MAGI1: variants seen among roughly 807,000 people sequenced by gnomAD.
The protein encoded by MAGI1 is membrane associated guanylate kinase, WW and PDZ domain containing 1, also known as membrane-associated guanylate kinase, WW and PDZ domain-containing protein 1.
MAGI1 carries 58 observed loss-of-function variants against 139.9 expected under a neutral mutation model. That is an observed-to-expected ratio of 0.41 (90% CI 0.34 to 0.52). The LOEUF is 0.52. Among genes scored for constraint, MAGI1 ranks in the 20% least tolerant of loss-of-function variants. The probability of loss-of-function intolerance (pLI) is 0.12; values close to 1 mark genes in which losing one functional copy is unlikely to be tolerated. For synonymous variants in MAGI1, 812 were observed against 737.9 expected (o/e 1.10, Z -1.63); for missense variants, 1,874 against 1,901.6 (o/e 0.99, Z 0.27).
In MAGI1 at chr3:65,752,908, C is replaced by G. The variant is rs2036267399; in HGVS notation, c.314-130820G>C. On this transcript the variant is annotated intron_variant, in intron 1 of 22. Transcript: ENST00000402939. The stretch of plus-strand genomic sequence containing the variant: ...AGTCATTTTCCACCCACTGACCTCC[C>G]CTCACACCCTCCCTTGCTCATTAGC... 4.6e-5 allele frequency among the ~76,000 whole-genome samples: 7 copies of G among 152,168 alleles called. No individual in the cohort carries two copies. In the South Asian group the frequency reaches 1.4e-3, roughly 31 times the overall value.
intron 1 of MAGI1, among the ~76,000 whole-genome samples, chr3:65,908,775 A>G (rs777496291): frequency 4.6e-5 from 7 of 152,156 alleles, no homozygotes; most frequent in Admixed American, 2.0e-4. Flanking sequence ...CCTTTCTAAC[A>G]GACTCCTGGG....
intron 1 of MAGI1, among the ~76,000 whole-genome samples, chr3:66,006,994 CTATT>C (rs61207352): frequency 0.17 from 25,430 of 151,142 alleles, 3,050 homozygotes; most frequent in African/African-American, 0.33. Flanking sequence ...CCATGCCCAG[CTATT>C]TATTTATTTA....
chr3:65,599,324 C>T (rs894225051), intron 2 of MAGI1, among the ~76,000 whole-genome samples: 3 of 152,118 alleles, frequency 2.0e-5, no homozygotes, highest in Non-Finnish European at 2.9e-5. Flanking sequence ...AATGCAGTAT[C>T]GGCTGGATTT....
chr3:65,864,578 A>G (rs1350925075), intron 1 of MAGI1, among the ~76,000 whole-genome samples: 16 of 152,248 alleles, frequency 1.1e-4, no homozygotes, highest in Admixed American at 9.2e-4. Context: ...GCACAGCTGC[A>G]TAGCAGAATC....
intron 1 of MAGI1, among the ~76,000 whole-genome samples, chr3:65,786,511 T>C (rs1182712157): frequency 6.6e-6 from 1 of 151,986 alleles, no homozygotes; most frequent in East Asian, 1.9e-4. Flanking sequence ...TTTCCCCATG[T>C]TGCCTGGTCT....
chr3:65,497,413 T>C (rs1952535487), intron 2 of MAGI1, among the ~76,000 whole-genome samples: 2 of 152,174 alleles, frequency 1.3e-5, no homozygotes, highest in Admixed American at 6.5e-5. Flanking sequence ...TTCAGCCAGC[T>C]ACCTCTAAAA....
intron 1 of MAGI1, among the ~76,000 whole-genome samples, chr3:65,841,087 C>T (rs2058787180): frequency 6.6e-6 from 1 of 152,150 alleles, no homozygotes; most frequent in Non-Finnish European, 1.5e-5. Flanking sequence ...GTATTATTCC[C>T]CTAGACGTTT....
At position 65,772,400 on chromosome 3, in the gene MAGI1, C is replaced by T. The variant is rs185361839; in HGVS notation, c.314-150312G>A. On this transcript the variant is annotated intron_variant, in intron 1 of 22. Coordinates refer to ENST00000402939, the MANE Select transcript of MAGI1 (RefSeq NM_001033057.2). ...CAGGGGGGACTTGAGTACAGCTGTCCATCATGAGACCCTGGCTTTTTCACC... is the reference window on the plus strand; with the variant it reads ...CAGGGGGGACTTGAGTACAGCTGTCTATCATGAGACCCTGGCTTTTTCACC... 6.4e-3 allele frequency among the ~76,000 whole-genome samples: 972 copies of T among 150,946 alleles called. 1 individual carries two copies. Among genetic ancestry groups the T allele is most frequent in the African/African-American group, 0.01 (416 of 40,332 alleles).
At chr3:65,604,143 A>G (rs1417684296) in intron 2 of MAGI1, among the ~76,000 whole-genome samples, 2 of 152,198 alleles carry the variant, frequency 1.3e-5, no homozygotes, top group Non-Finnish European at 2.9e-5. Flanking sequence ...AGGGGAAAAG[A>G]AAACTACGGC....
intron 1 of MAGI1, among the ~76,000 whole-genome samples, chr3:65,692,382 G>A (rs572064798): frequency 6.6e-6 from 1 of 152,152 alleles, no homozygotes; most frequent in Non-Finnish European, 1.5e-5. Context: ...TGGGGACAGA[G>A]CCTCCCCTCA....
intron 1 of MAGI1, among the ~76,000 whole-genome samples, chr3:65,876,246 C>A (rs2060111727): frequency 6.6e-6 from 1 of 152,084 alleles, no homozygotes; most frequent in African/African-American, 2.4e-5. Flanking sequence ...CACTTGGGCC[C>A]AGGAGTTCAA....
intron 1 of MAGI1, among the ~76,000 whole-genome samples, chr3:65,963,552 G>C (rs62243769): frequency 0.37 from 56,744 of 151,994 alleles, 10,983 homozygotes; most frequent in South Asian, 0.61. Context: ...GAAGGCGGAG[G>C]TTGTAGTGAG....
At chr3:65,957,313 A>C (rs1407166232) in intron 1 of MAGI1, among the ~76,000 whole-genome samples, 2 of 149,184 alleles carry the variant, frequency 1.3e-5, no homozygotes, top group Non-Finnish European at 3.0e-5. Flanking sequence ...CAGGAGTTCA[A>C]GACCTGCCTG....
chr3:65,530,489 C>T (rs1259279480), intron 2 of MAGI1, among the ~76,000 whole-genome samples: 1 of 151,232 alleles, frequency 6.6e-6, no homozygotes, highest in East Asian at 2.0e-4. Flanking sequence ...TGGTGTGTGC[C>T]TGTAGTTCCA....
intron 1 of MAGI1, among the ~76,000 whole-genome samples, chr3:65,864,034 T>C (rs2108454155): frequency 6.6e-6 from 1 of 152,270 alleles, no homozygotes; most frequent in South Asian, 2.1e-4. Context: ...AGAATATTTC[T>C]CTTTTTTATT....
chr3:65,640,282 C>G (rs1160738553), intron 1 of MAGI1, among the ~76,000 whole-genome samples: 1 of 152,140 alleles, frequency 6.6e-6, no homozygotes, highest in Non-Finnish European at 1.5e-5. Flanking sequence ...TCATCTGCCT[C>G]CTTTAGCTCC....
At chr3:65,913,722 G>A (rs2061770691) in intron 1 of MAGI1, among the ~76,000 whole-genome samples, 1 of 152,190 alleles carries the variant, frequency 6.6e-6, no homozygotes, top group South Asian at 2.1e-4. Flanking sequence ...CCTTCAGGCA[G>A]GTGTTCCACA....
At position 65,379,393 on chromosome 3, in the gene MAGI1, C is replaced by T. The variant is rs1429975064; in HGVS notation, c.2863G>A (p.Gly955Ser). 6.2e-7 allele frequency: 1 copy of T among 1,612,838 alleles called. No individual in the cohort carries two copies. Among genetic ancestry groups the T allele is most frequent in the African/African-American group, 1.3e-5 (1 of 75,004 alleles). ...SGSTSGIGSG[G>S]GGGSGVVSTV... ...CTGACCACGCCGCTGCCCCCGCCGC[C>T]GCCACTGCCGATGCCGCTGGTGCTG... Residue 955 changes from glycine to serine, a missense_variant, in exon 17 of 23, where the codon GGC becomes AGC. Gly to Ser is a moderately conservative substitution (Grantham distance 56). Around this residue, in one of 5 missense-constraint regions of MAGI1, gnomAD observed 482 missense variants for 509.6 expected, o/e 0.95. Coordinates refer to ENST00000402939, the MANE Select transcript of MAGI1 (RefSeq NM_001033057.2).
intron 1 of MAGI1, among the ~76,000 whole-genome samples, chr3:65,897,589 ACATGTACCCCTATGTAACAAACCTGCATG>A: frequency 7.2e-6 from 1 of 139,790 alleles, no homozygotes. Flanking sequence ...CATGTTGTGC[ACATGTACCCCTATGTAACAAACCTGCATG>A]TTGTGCACAT....
Sources: gnomAD v4.1 joint callset for allele counts (sites outside exome capture counted in the v4.1 genomes callset) on GRCh38, gnomAD v4.1.1 for gene constraint, gnomAD v4.1.1 regional missense constraint, MANE v1.5 for transcripts, NCBI Gene and HGNC (gene_info 2026-07-23, HGNC 2026-07-21) for gene names.